The following ABCG2 variants were observed in gnomAD, a reference collection of about 807,000 sequenced individuals.
The protein encoded by ABCG2 is broad substrate specificity ATP-binding cassette transporter ABCG2.
A neutral mutation model predicts 73.5 loss-of-function variants in ABCG2; 80 were observed. That is an observed-to-expected ratio of 1.09 (90% CI 0.91 to 1.31). ABCG2 has a LOEUF of 1.31. Ranked by LOEUF, ABCG2 falls within the 50% of genes most tolerant of loss-of-function variation. The probability of loss-of-function intolerance (pLI) is 0.00; values close to 1 mark genes in which losing one functional copy is unlikely to be tolerated. For synonymous variants in ABCG2, 269 were observed against 282.4 expected (o/e 0.95, Z 0.48); for missense variants, 796 against 786.2 (o/e 1.01, Z -0.15).
chr4:88,173,062 T>C (rs1727821855), intron 1 of ABCG2, among the ~76,000 whole-genome samples: 1 of 152,208 alleles, frequency 6.6e-6, no homozygotes, highest in Non-Finnish European at 1.5e-5. Flanking sequence ...TATTTTTCAT[T>C]ATTATGTAGG....
chr4:88,098,459 A>C (rs932156167), intron 12 of ABCG2, among the ~76,000 whole-genome samples: 3 of 151,854 alleles, frequency 2.0e-5, no homozygotes, highest in Non-Finnish European at 4.4e-5. Context: ...TTTAATTAAC[A>C]AGCCCCAAAA....
intron 2 of ABCG2, among the ~76,000 whole-genome samples, chr4:88,139,071 G>A (rs1384034857): frequency 6.6e-6 from 1 of 151,486 alleles, no homozygotes; most frequent in African/African-American, 2.4e-5. Flanking sequence ...AACCCGGGAG[G>A]TGGAGGTTGC....
At chr4:88,195,447 G>A (rs546752725) in intron 1 of ABCG2, among the ~76,000 whole-genome samples, 91 of 152,296 alleles carry the variant, frequency 6.0e-4, no homozygotes, top group African/African-American at 2.1e-3. Context: ...GCAGCAGAAG[G>A]TATCCTAGTC....
chr4:88,181,713 A>G (rs553070241), intron 1 of ABCG2, among the ~76,000 whole-genome samples: 1 of 152,234 alleles, frequency 6.6e-6, no homozygotes, highest in Non-Finnish European at 1.5e-5. Context: ...CCTGGATGAC[A>G]GAGTGAGACC....
intron 1 of ABCG2, among the ~76,000 whole-genome samples, chr4:88,176,476 G>A (rs1299779318): frequency 9.3e-6 from 1 of 107,104 alleles, no homozygotes; most frequent in Admixed American, 1.3e-4. Context: ...CAAAGAGAAT[G>A]CTTTTTTTTT....
chr4:88,177,833 G>A (rs1274126750), intron 1 of ABCG2, among the ~76,000 whole-genome samples: 1 of 152,136 alleles, frequency 6.6e-6, no homozygotes, highest in African/African-American at 2.4e-5. Flanking sequence ...TCAGTGGAAA[G>A]AACACAGGGC....
At chr4:88,109,287 C>G (rs954498561) in intron 9 of ABCG2, among the ~76,000 whole-genome samples, 6 of 152,298 alleles carry the variant, frequency 3.9e-5, no homozygotes, top group Admixed American at 2.6e-4. Flanking sequence ...CATGAGCCAC[C>G]ATGCCCGGCC....
At chr4:88,115,256 C>CTCTCTATA (rs1309360818) in intron 7 of ABCG2, among the ~76,000 whole-genome samples, 198 bp from the exon 8 acceptor site, 1 of 69,870 alleles carries the variant, frequency 1.4e-5, no homozygotes, top group African/African-American at 5.6e-5. Flanking sequence ...CTCTCTCTCT[C>CTCTCTATA]TATATATATA....
At chr4:88,218,983 T>C (rs573199487) in intron 1 of ABCG2, among the ~76,000 whole-genome samples, 4 of 152,184 alleles carry the variant, frequency 2.6e-5, no homozygotes, top group African/African-American at 9.6e-5. Flanking sequence ...AGGCGATACA[T>C]AGAAAGGAAA....
At chr4:88,147,003 AAG>A (rs1442005243) in intron 1 of ABCG2, among the ~76,000 whole-genome samples, 2 of 97,964 alleles carry the variant, frequency 2.0e-5, no homozygotes, top group Non-Finnish European at 4.0e-5. Flanking sequence ...AGAAAGAAGA[AAG>A]AGAAAGAAAA....
chr4:88,125,751 G>A (rs112146360), intron 5 of ABCG2, among the ~76,000 whole-genome samples: 8,805 of 151,492 alleles, frequency 0.058, 427 homozygotes, highest in Admixed American at 0.13. Context: ...AAGACACAAC[G>A]TACTAGAATC....
At chr4:88,136,536 T>A (rs1446747815) in intron 2 of ABCG2, among the ~76,000 whole-genome samples, 1 of 151,942 alleles carries the variant, frequency 6.6e-6, no homozygotes, top group African/African-American at 2.4e-5. Context: ...TGAAACCCTA[T>A]CTCTACAAAA....
At chr4:88,189,520 TATAAATAAATAAATAA>T (rs144119456) in intron 1 of ABCG2, among the ~76,000 whole-genome samples, 26 of 147,956 alleles carry the variant, frequency 1.8e-4, no homozygotes, top group East Asian at 1.8e-3. Context: ...CATCTAAAAA[TATAAATAAATAAATAA>T]ATAAATAAAT....
intron 10 of ABCG2, among the ~76,000 whole-genome samples, chr4:88,104,454 G>A (rs1722639057): frequency 6.6e-6 from 1 of 152,050 alleles, no homozygotes; most frequent in Admixed American, 6.6e-5. Flanking sequence ...CATATACACA[G>A]GCCACTTTAA....
At chr4:88,199,824 C>A (rs1015576151) in intron 1 of ABCG2, among the ~76,000 whole-genome samples, 11 of 151,588 alleles carry the variant, frequency 7.3e-5, no homozygotes, top group African/African-American at 2.7e-4. Context: ...ACAGTGAAAC[C>A]CCGTCTCTAC....
At chr4:88,183,988 A>C (rs1207787562) in intron 1 of ABCG2, among the ~76,000 whole-genome samples, 1 of 152,220 alleles carries the variant, frequency 6.6e-6, no homozygotes, top group African/African-American at 2.4e-5. Flanking sequence ...ATGCTGAAAA[A>C]GCATTTGCTA....
chr4:88,183,389 A>G, intron 1 of ABCG2, among the ~76,000 whole-genome samples: 1 of 152,140 alleles, frequency 6.6e-6, no homozygotes, highest in South Asian at 2.1e-4. Context: ...GAAAGGAGAC[A>G]CAACAACTGA....
At position 88,132,886 on chromosome 4, in the gene ABCG2, T is replaced by C. The variant is rs187519987; in HGVS notation, c.204-251A>G. 1.7e-4 allele frequency among the ~76,000 whole-genome samples: 26 copies of C among 151,690 alleles called. No homozygotes were observed. In the East Asian group the frequency reaches 5.1e-3, roughly 30 times the overall value. On this transcript the variant is annotated intron_variant, in intron 2 of 15. Transcript: ENST00000237612. ...GAGTTTGAGACCAGCCTGGGCAACA[T>C]AGGGAGACACTGTCTCTACTTAAAG...
At chr4:88,166,114 A>C (rs753287319) in intron 1 of ABCG2, among the ~76,000 whole-genome samples, 4 of 152,254 alleles carry the variant, frequency 2.6e-5, no homozygotes, top group African/African-American at 9.6e-5. Flanking sequence ...TGAAACATTT[A>C]AGACACAGCA....
Sources: gnomAD v4.1 joint callset for allele counts (sites outside exome capture counted in the v4.1 genomes callset) on GRCh38, gnomAD v4.1.1 for gene constraint, MANE v1.5 for transcripts, NCBI Gene and HGNC (gene_info 2026-07-23, HGNC 2026-07-21) for gene names.